The following CAVIN1 variants were observed in gnomAD, a reference collection of about 807,000 sequenced individuals.
The protein encoded by CAVIN1 is caveolae associated protein 1.
Under a neutral mutation model 24.0 loss-of-function variants are expected in CAVIN1, and 16 were observed. That is an observed-to-expected ratio of 0.67 (90% CI 0.45 to 1.01). The LOEUF (loss-of-function observed/expected upper bound fraction) is 1.01, where lower values mean the gene tolerates loss of function less well. CAVIN1 is among the 50% of genes least tolerant of loss of function. CAVIN1 has a pLI of 0.00. For missense variants in CAVIN1, 510 were observed against 551.7 expected (o/e 0.92, Z 0.76); for synonymous variants, 256 against 256.4 (o/e 1.00, Z 0.02).
At chr17:42,412,353 G>A (rs2085484290) in intron 1 of CAVIN1, 2 of 875,094 alleles carry the variant, frequency 2.3e-6, no homozygotes, top group East Asian at 1.2e-4. Context: ...GGTGAGTAGG[G>A]AGGGGAGCAC....
chr17:42,416,893 G>T (rs1217779445), intron 1 of CAVIN1, among the ~76,000 whole-genome samples: 2 of 152,130 alleles, frequency 1.3e-5, no homozygotes, highest in African/African-American at 2.4e-5. Flanking sequence ...GTACAGGTTG[G>T]ATTGCGATTT....
At chr17:42,408,138 C>T (rs898308353) in intron 1 of CAVIN1, among the ~76,000 whole-genome samples, 1 of 152,076 alleles carries the variant, frequency 6.6e-6, no homozygotes, top group African/African-American at 2.4e-5. Flanking sequence ...TAAACTCAGA[C>T]AATGTGAATA....
At chr17:42,408,390 G>A (rs1344666988) in intron 1 of CAVIN1, among the ~76,000 whole-genome samples, 3 of 152,142 alleles carry the variant, frequency 2.0e-5, no homozygotes, top group Admixed American at 2.0e-4. Context: ...GGAGAGAGCT[G>A]CAGACTTCTT....
intron 1 of CAVIN1, among the ~76,000 whole-genome samples, chr17:42,417,409 A>AGATTGTG (rs1411029320): frequency 2.7e-5 from 4 of 147,378 alleles, no homozygotes; most frequent in Non-Finnish European, 5.9e-5. Flanking sequence ...CAGTGAGCCA[A>AGATTGTG]GATTGTGCCA....
At chr17:42,413,211 G>T (rs193140218) in intron 1 of CAVIN1, among the ~76,000 whole-genome samples, 2 of 152,188 alleles carry the variant, frequency 1.3e-5, no homozygotes, top group East Asian at 3.9e-4. Flanking sequence ...GGGATTACAG[G>T]CATGAGCCAC....
chr17:42,411,464 G>A (rs1253881008), intron 1 of CAVIN1: 5 of 985,236 alleles, frequency 5.1e-6, no homozygotes, highest in African/African-American at 3.5e-5. Flanking sequence ...CTGAGCCAGA[G>A]CCAGCTAGAA....
In CAVIN1 at chr17:42,423,048, G is replaced by C; in HGVS notation, c.50C>G (p.Pro17Arg). 1 of 1,609,378 alleles carries C rather than the reference G, an allele frequency of 6.2e-7. No homozygotes were observed. Among genetic ancestry groups the C allele is most frequent in the Non-Finnish European group, 8.5e-7 (1 of 1,178,424 alleles). ...GGAAGGCTCCGGGGCCTCGGCGTCG[G>C]GGTACCCGGGAAGCGGCCGCTCGAC... ...YIVERPLPGYPDAEAPEPSSA... is the reference protein window; with the variant it reads ...YIVERPLPGYRDAEAPEPSSA... Residue 17 changes from proline (P) to arginine (R), a missense_variant, in exon 1 of 2, where the codon CCC (proline) becomes CGC (arginine). Pro to Arg is a moderately radical substitution (Grantham distance 103, BLOSUM62 -2). Coordinates refer to ENST00000357037, the MANE Select transcript of CAVIN1 (RefSeq NM_012232.6).
Position 42,423,033 on chromosome 17 carries a change from G to C in CAVIN1, c.65C>G (p.Pro22Arg). Residue 22 changes from proline to arginine, a missense_variant, in exon 1 of 2, where the codon CCG becomes CGG. Pro to Arg is a moderately radical substitution (Grantham distance 103). Coordinates refer to ENST00000357037, the MANE Select transcript of CAVIN1 (RefSeq NM_012232.6). ...CTGAGCCCCAGCGGAGGAAGGCTCC[G>C]GGGCCTCGGCGTCGGGGTACCCGGG... ...PLPGYPDAEAPEPSSAGAQAA... is the reference protein window; with the variant it reads ...PLPGYPDAEAREPSSAGAQAA... 1 of 1,611,432 alleles carries C rather than the reference G, an allele frequency of 6.2e-7. No individual in the cohort carries two copies. The highest frequency in any genetic ancestry group is 8.5e-7 in the Non-Finnish European group (1 of 1,179,274).
chr17:42,410,095 T>G (rs945151779), intron 1 of CAVIN1, among the ~76,000 whole-genome samples: 1 of 152,128 alleles, frequency 6.6e-6, no homozygotes, highest in African/African-American at 2.4e-5. Context: ...TTTATAAGAT[T>G]ATAATGTCAT....
chr17:42,407,461 C>G (rs955153331), intron 1 of CAVIN1, among the ~76,000 whole-genome samples: 10 of 152,070 alleles, frequency 6.6e-5, no homozygotes, highest in African/African-American at 2.4e-4. Flanking sequence ...TTCCCCAGCC[C>G]CCAACCTCTT....
At chr17:42,405,682 G>GTTTTTTTTTTTTTTTT (rs531661585) in intron 1 of CAVIN1, among the ~76,000 whole-genome samples, 3 of 57,826 alleles carry the variant, frequency 5.2e-5, no homozygotes, top group African/African-American at 9.8e-5. Flanking sequence ...CTCTCTCCTT[G>GTTTTTTTTTTTTTTTT]TTTTTTTTTT....
rs1315498671 is a variant in CAVIN1 at position 42,404,931 on chromosome 17, C to G, written c.929G>C (p.Arg310Pro). The change falls in exon 2 of 2, where the codon CGC (arginine) becomes CCC (proline). Residue 310 changes from arginine (R) to proline (P), a missense_variant. By Grantham distance (103) the Arg-to-Pro change is moderately radical (BLOSUM62 -2). Transcript: ENST00000357037. ...CACCTTGTAGACCGCGGTCTTGGAGCGCGCGTACACCACGTGGTCGGGCGT... is the reference window on the plus strand; with the variant it reads ...CACCTTGTAGACCGCGGTCTTGGAGGGCGCGTACACCACGTGGTCGGGCGT... ...SFTPDHVVYA[R>P]SKTAVYKVPP... The G allele has an allele frequency of 6.2e-7, 1 of 1,614,034 alleles. No homozygotes were observed. Among genetic ancestry groups the G allele is most frequent in the South Asian group, 1.1e-5 (1 of 91,082 alleles).
Position 42,404,372 on chromosome 17 carries a change from G to T in CAVIN1, c.*315C>A. 1 of 238,642 alleles carries T rather than the reference G, an allele frequency of 4.2e-6. No homozygotes were observed. The highest frequency in any genetic ancestry group is 8.1e-6 in the Non-Finnish European group (1 of 124,060). The allele number at this position is 238,642 out of a possible 1,614,324, so 14.8% of individuals were successfully genotyped here. A position where few individuals can be genotyped will look rare whatever the true frequency, so the allele number is the denominator to read the frequency against. On this transcript the variant is annotated 3_prime_UTR_variant, in exon 2 of 2. Coordinates refer to ENST00000357037, the MANE Select transcript of CAVIN1 (RefSeq NM_012232.6). ...GGTGTGGGGAGAGGCTGAGGGGAAG[G>T]CAGCCCCCCCAGGGGGGCCTAACCG...
chr17:42,411,934 TGGGC>T, intron 1 of CAVIN1: 1 of 985,298 alleles, frequency 1.0e-6, no homozygotes, highest in Non-Finnish European at 1.2e-6. Flanking sequence ...CCGTCCACAG[TGGGC>T]AGTGACTGGG....
intron 1 of CAVIN1, among the ~76,000 whole-genome samples, chr17:42,419,860 T>C (rs2145486867): frequency 6.7e-6 from 1 of 149,922 alleles, no homozygotes; most frequent in Middle Eastern, 3.4e-3. Flanking sequence ...TGTGATACCT[T>C]GGGGTGGGAG....
chr17:42,407,595 G>C (rs2085453363), intron 1 of CAVIN1, among the ~76,000 whole-genome samples: 1 of 152,162 alleles, frequency 6.6e-6, no homozygotes, highest in Non-Finnish European at 1.5e-5. Context: ...AGGGAATGCT[G>C]GCTCCACCTC....
At position 42,405,283 on chromosome 17, in the gene CAVIN1, C is replaced by A; in HGVS notation, c.577G>T (p.Glu193Ter). 1 of 1,612,882 alleles carries A rather than the reference C, an allele frequency of 6.2e-7. No individual in the cohort carries two copies. Among genetic ancestry groups the A allele is most frequent in the Non-Finnish European group, 8.5e-7 (1 of 1,179,966 alleles). ...GEELGEGERP[E>*]EDAAALELSS... Reference sequence around the variant, plus strand: ...AGCTCCAGCGCCGCTGCGTCCTCCTCGGGCCGCTCGCCCTCGCCCAGCTCC... The same window carrying A: ...AGCTCCAGCGCCGCTGCGTCCTCCTAGGGCCGCTCGCCCTCGCCCAGCTCC... Residue 193 changes from glutamate to a stop codon, truncating the protein, a stop_gained, in exon 2 of 2, where the codon GAG (glutamate) becomes TAG (stop). Transcript: ENST00000357037. LOFTEE classifies it high-confidence loss of function.
chr17:42,416,213 C>T (rs2085510647), intron 1 of CAVIN1, among the ~76,000 whole-genome samples: 1 of 151,938 alleles, frequency 6.6e-6, no homozygotes, highest in African/African-American at 2.4e-5. Flanking sequence ...GCTAAAAATA[C>T]AAAAATTAGC....
At chr17:42,405,682 G>GTTTTTTT (rs531661585) in intron 1 of CAVIN1, among the ~76,000 whole-genome samples, 46 of 57,812 alleles carry the variant, frequency 8.0e-4, no homozygotes, top group African/African-American at 1.9e-3. Context: ...CTCTCTCCTT[G>GTTTTTTT]TTTTTTTTTT....
Sources: allele counts gnomAD v4.1 joint callset (sites outside exome capture counted in the v4.1 genomes callset), GRCh38; gene constraint gnomAD v4.1.1; transcripts MANE v1.5; gene names NCBI Gene and HGNC (gene_info 2026-07-23, HGNC 2026-07-21).